Variants in LRRC8A observed in about 807,000 individuals in gnomAD.
The protein encoded by LRRC8A is leucine rich repeat containing 8 VRAC subunit A, also known as volume-regulated anion channel subunit LRRC8A.
In LRRC8A, 24 loss-of-function variants were observed where a neutral mutation model predicts 52.5. The ratio of observed to expected loss-of-function variants is 0.46; its 90% CI spans 0.33 to 0.64. The LOEUF (loss-of-function observed/expected upper bound fraction) is 0.64, where lower values mean the gene tolerates loss of function less well. Among genes scored for constraint, LRRC8A ranks in the 30% least tolerant of loss-of-function variants. The pLI is 0.02. For missense variants in LRRC8A, 677 were observed against 1,094.7 expected (o/e 0.62, Z 5.38); for synonymous variants, 492 against 494.2 (o/e 1.00, Z 0.06).
At position 128,916,341 on chromosome 9, in the gene LRRC8A, G is replaced by T. The variant is rs938686617; in HGVS notation, c.2403G>T (p.Arg801=). The change falls in exon 4 of 4, where the codon CGG becomes CGT. Residue 801 remains arginine, a synonymous_variant. Coordinates refer to ENST00000372600, the MANE Select transcript of LRRC8A (RefSeq NM_019594.4). The surrounding 1 kb of genome is among the most constrained non-coding windows in gnomAD (Gnocchi z 6.1). ...CACTGCCACCCGAGGTGAAGGAGCG[G>T]CTGTGGAGGGCTGACAAGGAGCAGG... The part of the protein sequence containing the change: ...FNTLPPEVKE[R]LWRADKEQA 2.5e-6 allele frequency: 4 copies of T among 1,611,744 alleles called. No individual in the cohort carries two copies. The highest frequency in any genetic ancestry group is 3.4e-6 in the Non-Finnish European group (4 of 1,179,838).
intron 2 of LRRC8A, among the ~76,000 whole-genome samples, chr9:128,903,936 G>A (rs927076380): frequency 6.6e-6 from 1 of 152,094 alleles, no homozygotes; most frequent in Non-Finnish European, 1.5e-5. Flanking sequence ...ATTGAAACAT[G>A]AGAATCACTT....
chr9:128,913,722 A>G (rs1359061754), intron 3 of LRRC8A, among the ~76,000 whole-genome samples: 4 of 152,130 alleles, frequency 2.6e-5, no homozygotes, highest in Non-Finnish European at 5.9e-5. Context: ...TCAGCAGAGG[A>G]GATCACGGGG....
chr9:128,903,655 C>T (rs527496039), intron 2 of LRRC8A, among the ~76,000 whole-genome samples: 11 of 151,662 alleles, frequency 7.3e-5, no homozygotes, highest in African/African-American at 1.7e-4. Context: ...CCTCGTGATC[C>T]GCCCGCCTTG....
At chr9:128,912,919 T>G (rs1840622304) in intron 3 of LRRC8A, 1 of 152,250 alleles carries the variant, frequency 6.6e-6, no homozygotes, top group South Asian at 2.1e-4. Context: ...GAGCTTTTTT[T>G]TGTGGATTGT....
intron 2 of LRRC8A, among the ~76,000 whole-genome samples, chr9:128,904,231 C>T (rs1840144848): frequency 6.6e-6 from 1 of 152,086 alleles, no homozygotes; most frequent in Non-Finnish European, 1.5e-5. Flanking sequence ...AGTAAAAGCA[C>T]AATTTGGCCA....
intron 3 of LRRC8A, among the ~76,000 whole-genome samples, chr9:128,910,173 C>T (rs1322690178): frequency 1.3e-5 from 2 of 152,284 alleles, no homozygotes; most frequent in Middle Eastern, 3.4e-3. Context: ...TTGTGGGGAA[C>T]GTCCCTCTTC....
At chr9:128,882,791 G>C (rs943466940) in intron 1 of LRRC8A, 10 of 398,712 alleles carry the variant, frequency 2.5e-5, no homozygotes, top group African/African-American at 4.1e-5. Context: ...TCTGGGATGG[G>C]ATATTTGGGA....
Position 128,908,039 on chromosome 9 carries a change from ACGTGGACTGCAC to A in LRRC8A, c.883_894del (p.Cys295_Asp298del). Reference sequence around the variant, plus strand: ...TACTACGTGCACAACATCAAGTTCGACGTGGACTGCACCGTGGACATTGAGAGCCTGACGGGC... The same window carrying A: ...TACTACGTGCACAACATCAAGTTCGACGTGGACATTGAGAGCCTGACGGGC... On this transcript the variant is annotated inframe_deletion, in exon 3 of 4. Coordinates refer to ENST00000372600, the MANE Select transcript of LRRC8A (RefSeq NM_019594.4). The A allele has an allele frequency of 6.2e-7, 1 of 1,614,078 alleles. No homozygotes were observed. Among genetic ancestry groups the A allele is most frequent in the Non-Finnish European group, 8.5e-7 (1 of 1,180,016 alleles).
chr9:128,906,214 A>ATTG (rs1242031684), intron 2 of LRRC8A, among the ~76,000 whole-genome samples: 9 of 151,810 alleles, frequency 5.9e-5, no homozygotes, highest in African/African-American at 1.7e-4. Flanking sequence ...CTGCAGCTTC[A>ATTG]ACCTCCTGGA....
rs767496412 is a variant in LRRC8A at position 128,916,531 on chromosome 9, A to G, written c.*160A>G. The G allele has an allele frequency of 1.2e-3, 1,092 of 901,026 alleles. 1 individual carries two copies. Among genetic ancestry groups the G allele is most frequent in the Non-Finnish European group, 1.6e-3 (1,005 of 612,420 alleles). 55.8% of individuals were successfully genotyped at this position (901,026 alleles called of 1,614,324 possible). A position where few individuals can be genotyped will look rare whatever the true frequency, so the allele number is the denominator to read the frequency against. On this transcript the variant is annotated 3_prime_UTR_variant, in exon 4 of 4. Coordinates refer to ENST00000372600, the MANE Select transcript of LRRC8A (RefSeq NM_019594.4). This position sits in a 1 kb window ranked among gnomAD's most constrained non-coding sequence, Gnocchi z 6.1. The stretch of plus-strand genomic sequence containing the variant: ...GTGAGTCAGGCCAGAGCGAGAGGAC[A>G]GTATCTGTGGGGCTGGCCCCTTTTC...
At chr9:128,893,135 G>C (rs958994741) in intron 2 of LRRC8A, among the ~76,000 whole-genome samples, 3 of 152,160 alleles carry the variant, frequency 2.0e-5, no homozygotes, top group African/African-American at 7.2e-5. Flanking sequence ...TCTGAGAGCA[G>C]ATGGCCAACT....
At chr9:128,887,707 T>A (rs1185038630) in intron 2 of LRRC8A, among the ~76,000 whole-genome samples, 1 of 151,838 alleles carries the variant, frequency 6.6e-6, no homozygotes. Flanking sequence ...AGTGGCACAA[T>A]CTCAGCTCAC....
chr9:128,909,931 G>T (rs1353277836), intron 3 of LRRC8A, among the ~76,000 whole-genome samples: 1 of 152,214 alleles, frequency 6.6e-6, no homozygotes, highest in African/African-American at 2.4e-5. Flanking sequence ...GTTTGTTTCT[G>T]CCTGCCCTTC....
In LRRC8A at chr9:128,908,822, G is replaced by A. The variant is rs1032985352; in HGVS notation, c.1658G>A (p.Ser553Asn). ...CGCCTCAAGGTGCTGCGGCTCAAGA[G>A]CAACCTAAGCAAGCTGCCACAGGTG... ...LKRLKVLRLK[S>N]NLSKLPQVVT... Residue 553 changes from serine (S) to asparagine (N), a missense_variant, in exon 3 of 4, where the codon AGC (serine) becomes AAC (asparagine). Around this residue, in one of 4 missense-constraint regions of LRRC8A, gnomAD observed 422 missense variants for 741.5 expected, o/e 0.57. Coordinates refer to ENST00000372600, the MANE Select transcript of LRRC8A (RefSeq NM_019594.4). The A allele has an allele frequency of 6.2e-7, 1 of 1,613,652 alleles. No homozygotes were observed. Among genetic ancestry groups the A allele is most frequent in the Non-Finnish European group, 8.5e-7 (1 of 1,180,036 alleles).
Position 128,892,861 on chromosome 9 carries a change from G to A in LRRC8A, c.-9+6740G>A, listed in dbSNP as rs531316184. ...GGTACAGGAGGGGTGCCAACCTCCCGCCTCCCCTCCTGCTTGGGAAGTTTT... is the reference window on the plus strand; with the variant it reads ...GGTACAGGAGGGGTGCCAACCTCCCACCTCCCCTCCTGCTTGGGAAGTTTT... On this transcript the variant is annotated intron_variant, in intron 2 of 3. Transcript: ENST00000372600. This position sits in a 1 kb window ranked among gnomAD's most constrained non-coding sequence, Gnocchi z 5.2. Among the ~76,000 whole-genome samples, 3 of 152,184 alleles carry A rather than the reference G, an allele frequency of 2.0e-5. No homozygotes were observed. The highest frequency in any genetic ancestry group is 4.8e-5 in the African/African-American group (2 of 41,530).
intron 2 of LRRC8A, among the ~76,000 whole-genome samples, chr9:128,904,576 A>G (rs1351515134): frequency 2.0e-5 from 3 of 152,158 alleles, no homozygotes; most frequent in Non-Finnish European, 4.4e-5. Context: ...GGCTGGGTGC[A>G]GTGCCTCACT....
intron 2 of LRRC8A, among the ~76,000 whole-genome samples, chr9:128,888,500 G>A (rs988251713): frequency 3.3e-5 from 5 of 152,164 alleles, no homozygotes; most frequent in Non-Finnish European, 7.3e-5. Flanking sequence ...TGGAGGAAGT[G>A]TTGGTTGTGG....
At position 128,887,743 on chromosome 9, in the gene LRRC8A, T is replaced by G. The variant is rs1217178310; in HGVS notation, c.-9+1622T>G. On this transcript the variant is annotated intron_variant, in intron 2 of 3. Coordinates refer to ENST00000372600, the MANE Select transcript of LRRC8A (RefSeq NM_019594.4). ...TGCAAGCTCTGCCTCCCGGGTTCAC[T>G]CCATTCTCCTGCCTCAGCCTCCCGA... is the stretch of plus-strand genomic sequence containing the variant. Among the ~76,000 whole-genome samples, 10 of 151,564 alleles carry G rather than the reference T, an allele frequency of 6.6e-5. No homozygotes were observed. The East Asian group carries it at 2.0e-3, about 30-fold the overall frequency.
intron 1 of LRRC8A, chr9:128,882,624 C>T: frequency 2.5e-6 from 1 of 398,860 alleles, no homozygotes; most frequent in Non-Finnish European, 4.4e-6. Context: ...CACCTCTGGG[C>T]TCTCTCCTTG....
Sources: allele counts gnomAD v4.1 joint callset (sites outside exome capture counted in the v4.1 genomes callset), GRCh38; gene constraint gnomAD v4.1.1; regional missense constraint gnomAD v4.1.1; non-coding constraint Gnocchi (gnomAD v3.1); transcripts MANE v1.5; gene names NCBI Gene and HGNC (gene_info 2026-07-23, HGNC 2026-07-21).